ITPA: variants seen among roughly 807,000 people sequenced by gnomAD.
The protein encoded by ITPA is inosine triphosphate pyrophosphatase.
A neutral mutation model predicts 29.6 loss-of-function variants in ITPA; 29 were observed. The observed-to-expected ratio is 0.98, with a 90% CI of 0.73 to 1.34. The LOEUF is 1.34. ITPA is among the 40% of genes most tolerant of loss of function. The probability of loss-of-function intolerance (pLI) is 0.00; values close to 1 mark genes in which losing one functional copy is unlikely to be tolerated. For missense variants in ITPA, 241 were observed against 251.5 expected (o/e 0.96, Z 0.28); for synonymous variants, 103 against 99.3 (o/e 1.04, Z -0.22).
downstream of ITPA, among the ~76,000 whole-genome samples, chr20:3,224,933 G>A (rs897159836): frequency 2.0e-5 from 3 of 152,184 alleles, no homozygotes; most frequent in African/African-American, 7.2e-5. Context: ...TTCCAGGCAA[G>A]GTGGCTCACA....
At chr20:3,209,426 C>A (rs932528300), upstream of ITPA, 1 of 880,978 alleles carries the variant, frequency 1.1e-6, no homozygotes, top group Non-Finnish European at 1.9e-6. The surrounding 1 kb of genome is among the most constrained non-coding windows in gnomAD (Gnocchi z 4.6). Flanking sequence ...CCTTGGGGTC[C>A]GGGTCGGCTT....
At chr20:3,209,022 G>C, upstream of ITPA, 1 of 190,096 alleles carries the variant, frequency 5.3e-6, no homozygotes, top group Non-Finnish European at 1.1e-5. This position sits in a 1 kb window ranked among gnomAD's most constrained non-coding sequence, Gnocchi z 4.6. Context: ...TCAAGCCTAG[G>C]AGTGAAAACG....
At chr20:3,219,856 G>A (rs1322734421) in intron 6 of ITPA, among the ~76,000 whole-genome samples, 1 of 151,768 alleles carries the variant, frequency 6.6e-6, no homozygotes, top group Non-Finnish European at 1.5e-5. Context: ...AGACCAGCCT[G>A]GGTAACATAG....
upstream of ITPA, among the ~76,000 whole-genome samples, chr20:3,206,387 CAAA>C (rs143721062): frequency 8.9e-5 from 3 of 33,626 alleles, no homozygotes; most frequent in African/African-American, 2.3e-4. Flanking sequence ...GACTCAGTCT[CAAA>C]AAAAAAAAAA....
At chr20:3,221,692 T>C in intron 6 of ITPA, 149 bp from the exon 7 acceptor site, 1 of 720,312 alleles carries the variant, frequency 1.4e-6, no homozygotes, top group East Asian at 2.7e-5. Context: ...AGCAAACATT[T>C]GCAGGTGCTG....
downstream of ITPA, among the ~76,000 whole-genome samples, chr20:3,225,172 C>T (rs1049194210): frequency 2.0e-5 from 3 of 152,134 alleles, no homozygotes; most frequent in African/African-American, 7.2e-5. Flanking sequence ...CACTGCACTC[C>T]AGCCTGGGCA....
rs771060121 is a variant in ITPA, at chr20:3,223,415, C to A, written c.538C>A (p.Arg180=). The A allele has an allele frequency of 1.2e-6, 2 of 1,613,930 alleles. No individual in the cohort carries two copies. The highest frequency in any genetic ancestry group is 2.2e-5 in the South Asian group (2 of 91,018). ...GAAGAACGCTGTCTCCCATCGCTTC[C>A]GGGCCCTGCTGGAGCTGCAGGAGTA... ...AEKNAVSHRF[R]ALLELQEYFG... Residue 180 remains arginine (R), a synonymous_variant, in exon 8 of 8, where the codon CGG becomes AGG. Coordinates refer to ENST00000380113, the MANE Select transcript of ITPA (RefSeq NM_033453.4).
Position 3,223,494 on chromosome 20 carries a change from G to A in ITPA, c.*32G>A, listed in dbSNP as rs1192384080. ...CAGCTGGAGGAGGCCCCTCAGGCCG[G>A]GGATCTGGGGAGGGCTAGCCCAAAA... is the stretch of plus-strand genomic sequence containing the variant. On this transcript the variant is annotated 3_prime_UTR_variant, in exon 8 of 8. Transcript: ENST00000380113. The A allele has an allele frequency of 1.9e-6, 3 of 1,556,094 alleles. No homozygotes were observed. Among genetic ancestry groups the A allele is most frequent in the South Asian group, 1.1e-5 (1 of 87,648 alleles).
downstream of ITPA, among the ~76,000 whole-genome samples, chr20:3,224,482 C>G (rs114340656): frequency 1.3e-5 from 2 of 152,210 alleles, no homozygotes; most frequent in African/African-American, 4.8e-5. Context: ...TCTGGAGAGG[C>G]CCCTGCCGTC....
At chr20:3,221,214 C>CT (rs989256246) in intron 6 of ITPA, among the ~76,000 whole-genome samples, 37 of 142,078 alleles carry the variant, frequency 2.6e-4, no homozygotes, top group East Asian at 1.4e-3. Context: ...TCTTTTCTTT[C>CT]TTTTTTTTTT....
chr20:3,213,997 G>A lies in ITPA; in HGVS notation c.202G>A (p.Val68Met), dbSNP rs776945646. 5.6e-6 allele frequency: 9 copies of A among 1,614,178 alleles called. No individual in the cohort carries two copies. Among genetic ancestry groups the A allele is most frequent in the East Asian group, 2.2e-5 (1 of 44,878 alleles). The change falls in exon 4 of 8, where the codon GTG (valine) becomes ATG (methionine). Residue 68 changes from valine to methionine, a missense_variant. By Grantham distance (21) the Val-to-Met change is conservative (BLOSUM62 1). Transcript: ENST00000380113. Reference protein sequence around the residue: ...QEAVRQVQGPVLVEDTCLCFN... With the variant: ...QEAVRQVQGPMLVEDTCLCFN... Reference sequence around the variant, plus strand: ...CTTTGTGCTGCAGGTACAGGGGCCCGTGCTGGTTGAGGACACTTGTCTGTG... The same window carrying A: ...CTTTGTGCTGCAGGTACAGGGGCCCATGCTGGTTGAGGACACTTGTCTGTG...
chr20:3,215,274 C>T lies in ITPA; in HGVS notation c.264-7C>T, dbSNP rs748105093. 1 of 1,613,730 alleles carries T rather than the reference C, an allele frequency of 6.2e-7. No individual in the cohort carries two copies. Among genetic ancestry groups the T allele is most frequent in the Non-Finnish European group, 8.5e-7 (1 of 1,179,648 alleles). The stretch of plus-strand genomic sequence containing the variant: ...TGGTGTCTGACTGTCCTTTCTTTCT[C>T]TTGCAGAAAGTGGTTTCTGGAGAAG... On this transcript the variant is annotated splice_region_variant and splice_polypyrimidine_tract_variant and intron_variant, in intron 4 of 7. Transcript: ENST00000380113.
chr20:3,204,294 G>C (rs898308690), upstream of ITPA, among the ~76,000 whole-genome samples: 2 of 152,200 alleles, frequency 1.3e-5, no homozygotes, highest in Non-Finnish European at 2.9e-5. Context: ...GGAGTTCCCG[G>C]GGGTGAAGAG....
chr20:3,223,549 G>T lies in ITPA; in HGVS notation c.*87G>T. On this transcript the variant is annotated 3_prime_UTR_variant, in exon 8 of 8. Transcript: ENST00000380113. ...CCGCATCGGGCAGGCACCCCCTGAA[G>T]TACTTCCTTCAGGGTTTCCCCTTTG... 2 of 1,001,138 alleles carry T rather than the reference G, an allele frequency of 2.0e-6. No individual in the cohort carries two copies. The highest frequency in any genetic ancestry group is 3.1e-6 in the Non-Finnish European group (2 of 652,356). The allele number at this position is 1,001,138 out of a possible 1,614,324, so 62.0% of individuals were successfully genotyped here. A position where few individuals can be genotyped will look rare whatever the true frequency, so the allele number is the denominator to read the frequency against.
chr20:3,218,429 C>A (rs1296190311), intron 5 of ITPA, 88 bp from the exon 6 acceptor site: 2 of 953,372 alleles, frequency 2.1e-6, no homozygotes, highest in Non-Finnish European at 3.4e-6. Flanking sequence ...TAGGGAATTC[C>A]TCCCTCCCCA....
At chr20:3,217,916 G>GTTTT (rs761335415) in intron 5 of ITPA, among the ~76,000 whole-genome samples, 1 of 96,822 alleles carries the variant, frequency 1.0e-5, no homozygotes, top group African/African-American at 4.0e-5. Context: ...GTTTTTTTTT[G>GTTTT]TTTTTGTTTT....
rs1350482463 is a variant in ITPA at position 3,223,836 on chromosome 20, A to C, written c.*374A>C. 1 of 277,728 alleles carries C rather than the reference A, an allele frequency of 3.6e-6. No individual in the cohort carries two copies. Among genetic ancestry groups the C allele is most frequent in the East Asian group, 9.2e-5 (1 of 10,928 alleles). The allele number at this position is 277,728 out of a possible 1,614,324, so 17.2% of individuals were successfully genotyped here. ...TTTCTGGATGAGACTTGTTTCCAAA[A>C]TAAACCAGCTATATCTGTTTTGAAC... On this transcript the variant is annotated 3_prime_UTR_variant, in exon 8 of 8. Coordinates refer to ENST00000380113, the MANE Select transcript of ITPA (RefSeq NM_033453.4).
At chr20:3,221,319 A>T (rs917495449) in intron 6 of ITPA, among the ~76,000 whole-genome samples, 1 of 150,622 alleles carries the variant, frequency 6.6e-6, no homozygotes, top group Non-Finnish European at 1.5e-5. Context: ...TACAGCCAGT[A>T]CGTATTGTAC....
In ITPA at chr20:3,209,811, C is replaced by G. The variant is rs1352128117; in HGVS notation, c.66+194C>G. Among the ~76,000 whole-genome samples the G allele has an allele frequency of 2.0e-5, 3 of 152,114 alleles. No individual in the cohort carries two copies. Among genetic ancestry groups the G allele is most frequent in the Admixed American group, 2.0e-4 (3 of 15,268 alleles). ...GAGTGGCTGCAGAATCGGGGCGCCC[C>G]GGGGTTGGCGAGGGAACGAGGGTCT... On this transcript the variant is annotated intron_variant, in intron 1 of 7. Transcript: ENST00000380113. This position sits in a 1 kb window ranked among gnomAD's most constrained non-coding sequence, Gnocchi z 4.6.
Sources: gnomAD v4.1 joint callset for allele counts (sites outside exome capture counted in the v4.1 genomes callset) on GRCh38, gnomAD v4.1.1 for gene constraint, Gnocchi (gnomAD v3.1) non-coding constraint, MANE v1.5 for transcripts, NCBI Gene and HGNC (gene_info 2026-07-23, HGNC 2026-07-21) for gene names.